The following ABTB3 variants were observed in gnomAD, a reference collection of about 807,000 sequenced individuals.
ABTB3 encodes the protein ankyrin repeat- and BTB/POZ domain-containing protein 3.
At chr12:107,512,386 A>T in the ABTB3 span, among the ~76,000 whole-genome samples, 3 of 152,228 alleles carry the variant, frequency 2.0e-5, no homozygotes, top group Non-Finnish European at 4.4e-5. Context: ...AAACACATCT[A>T]TGCTATGTAT....
chr12:107,522,698 G>A, the ABTB3 span, among the ~76,000 whole-genome samples: 1 of 147,364 alleles, frequency 6.8e-6, no homozygotes, highest in African/African-American at 2.5e-5. Flanking sequence ...AAGGAAGGAA[G>A]AGAAAGAGAG....
the ABTB3 span, among the ~76,000 whole-genome samples, chr12:107,366,405 A>G: frequency 6.6e-6 from 1 of 152,210 alleles, no homozygotes; most frequent in Non-Finnish European, 1.5e-5. Context: ...AGAAAAAAGG[A>G]AGAAGAGAGT....
chr12:107,604,760 C>T, the ABTB3 span, among the ~76,000 whole-genome samples: 1 of 152,220 alleles, frequency 6.6e-6, no homozygotes, highest in Non-Finnish European at 1.5e-5. Flanking sequence ...AATCCCATCA[C>T]TGGCTATATA....
chr12:107,493,294 G>A, the ABTB3 span, among the ~76,000 whole-genome samples: 1 of 152,176 alleles, frequency 6.6e-6, no homozygotes, highest in Non-Finnish European at 1.5e-5. Flanking sequence ...TGGGCCAGAG[G>A]AGAGCAGAGG....
the ABTB3 span, among the ~76,000 whole-genome samples, chr12:107,489,652 C>T: frequency 1.3e-5 from 2 of 152,092 alleles, no homozygotes; most frequent in African/African-American, 2.4e-5. Context: ...TATCCATGGA[C>T]CTCAGGTGTT....
At chr12:107,319,867 G>A in the ABTB3 span, 2 of 1,247,482 alleles carry the variant, frequency 1.6e-6, no homozygotes, top group Admixed American at 3.9e-5. Flanking sequence ...GCGCCAGCGG[G>A]GGCAGCAGCT....
chr12:107,360,856 C>G, the ABTB3 span, among the ~76,000 whole-genome samples: 273 of 152,040 alleles, frequency 1.8e-3, 2 homozygotes, highest in African/African-American at 6.3e-3. Context: ...CAGGTTCAAG[C>G]AATCCTCCTT....
the ABTB3 span, among the ~76,000 whole-genome samples, chr12:107,404,178 A>AAAG: frequency 0.012 from 1,741 of 149,656 alleles, 41 homozygotes; most frequent in African/African-American, 0.041. Context: ...AAAAAAAAAA[A>AAAG]AAAAAAAAAG....
the ABTB3 span, among the ~76,000 whole-genome samples, chr12:107,631,123 C>T: frequency 6.6e-6 from 1 of 152,110 alleles, no homozygotes; most frequent in Non-Finnish European, 1.5e-5. Context: ...CTTTTGGATC[C>T]CCATTGTCTG....
the ABTB3 span, among the ~76,000 whole-genome samples, chr12:107,461,170 C>T: frequency 3.2e-4 from 48 of 152,258 alleles, no homozygotes; most frequent in African/African-American, 9.9e-4. Flanking sequence ...TTCACTACCA[C>T]GAGAACAGTA....
At chr12:107,639,548 CAG>C in the ABTB3 span, among the ~76,000 whole-genome samples, 10 of 152,170 alleles carry the variant, frequency 6.6e-5, no homozygotes, top group East Asian at 1.7e-3. Context: ...CTTAGGAGGA[CAG>C]GGGGTGATGA....
the ABTB3 span, among the ~76,000 whole-genome samples, chr12:107,616,296 C>T: frequency 2.6e-5 from 4 of 152,314 alleles, no homozygotes; most frequent in South Asian, 8.3e-4. Flanking sequence ...GCAGGGCCAG[C>T]GATCACGGAG....
chr12:107,347,924 G>A, the ABTB3 span, among the ~76,000 whole-genome samples: 40 of 152,224 alleles, frequency 2.6e-4, 1 homozygote, highest in South Asian at 7.9e-3. Flanking sequence ...TGAAATACCA[G>A]CAAGCTGAAG....
chr12:107,536,547 A>G, the ABTB3 span, among the ~76,000 whole-genome samples: 2 of 152,080 alleles, frequency 1.3e-5, no homozygotes, highest in Non-Finnish European at 2.9e-5. Flanking sequence ...AGAGAAAAAA[A>G]AATCTGATTT....
chr12:107,490,788 G>T, the ABTB3 span, among the ~76,000 whole-genome samples: 1 of 152,130 alleles, frequency 6.6e-6, no homozygotes, highest in Non-Finnish European at 1.5e-5. Context: ...TATAACAGAG[G>T]ATCAGATGAG....
chr12:107,598,231 T>C, the ABTB3 span, among the ~76,000 whole-genome samples: 4 of 152,252 alleles, frequency 2.6e-5, no homozygotes, highest in Non-Finnish European at 5.9e-5. Flanking sequence ...CCAATTTCCA[T>C]GGTGTAAATA....
the ABTB3 span, among the ~76,000 whole-genome samples, chr12:107,358,127 T>C: frequency 6.6e-6 from 1 of 152,280 alleles, no homozygotes; most frequent in South Asian, 2.1e-4. Flanking sequence ...CTCAGTGGAA[T>C]CCACATTCTA....
At chr12:107,338,394 A>G in the ABTB3 span, among the ~76,000 whole-genome samples, 1 of 152,216 alleles carries the variant, frequency 6.6e-6, no homozygotes, top group Non-Finnish European at 1.5e-5. Flanking sequence ...AGGCGTTAGT[A>G]TCCTAATTCA....
chr12:107,429,160 T>C, the ABTB3 span, among the ~76,000 whole-genome samples: 1 of 152,230 alleles, frequency 6.6e-6, no homozygotes, highest in Non-Finnish European at 1.5e-5. Context: ...TAGCAGCAGC[T>C]GGCAGGCATC....
Sources: allele counts gnomAD v4.1 joint callset (sites outside exome capture counted in the v4.1 genomes callset), GRCh38; gene constraint gnomAD v4.1.1; transcripts MANE v1.5; gene names NCBI Gene and HGNC (gene_info 2026-07-23, HGNC 2026-07-21).